The following TMPRSS15 variants were observed in gnomAD, a reference collection of about 807,000 sequenced individuals.
TMPRSS15 encodes the protein transmembrane serine protease 15, also known as enteropeptidase.
TMPRSS15 carries 128 observed loss-of-function variants against 125.3 expected under a neutral mutation model. That is an observed-to-expected ratio of 1.02 (90% CI 0.89 to 1.18). The LOEUF (loss-of-function observed/expected upper bound fraction) is 1.18, where lower values mean the gene tolerates loss of function less well. Ranked by LOEUF, TMPRSS15 falls within the 50% of genes most tolerant of loss-of-function variation. TMPRSS15 has a pLI of 0.00. For synonymous variants in TMPRSS15, 446 were observed against 423.2 expected, an observed-to-expected ratio of 1.05 and a Z score of -0.66; for missense variants, 1,283 against 1,212.7, an observed-to-expected ratio of 1.06 and a Z score of -0.86.
intron 1 of TMPRSS15, among the ~76,000 whole-genome samples, chr21:18,457,899 A>G (rs970718097): frequency 6.6e-6 from 1 of 152,154 alleles, no homozygotes; most frequent in African/African-American, 2.4e-5. Flanking sequence ...TGAATAACCA[A>G]CTGATTTTGG....
At chr21:18,421,115 T>C (rs1402051745) in intron 1 of TMPRSS15, among the ~76,000 whole-genome samples, 1 of 152,184 alleles carries the variant, frequency 6.6e-6, no homozygotes, top group Non-Finnish European at 1.5e-5. Context: ...CTAAACACTA[T>C]ACCACTAATA....
chr21:18,423,409 C>CTT (rs5842689), intron 1 of TMPRSS15, among the ~76,000 whole-genome samples: 35 of 128,716 alleles, frequency 2.7e-4, no homozygotes, highest in East Asian at 1.1e-3. Flanking sequence ...AAAATAAATT[C>CTT]TTTTTTTTTT....
chr21:18,435,684 T>A (rs889087346), intron 1 of TMPRSS15, among the ~76,000 whole-genome samples: 17 of 152,272 alleles, frequency 1.1e-4, no homozygotes, highest in African/African-American at 4.1e-4. Context: ...TTCTATTGAT[T>A]GGAATAGTTT....
rs893199543 is a variant in TMPRSS15 at position 18,347,609 on chromosome 21, A to AT, written c.1172-3550dup. 6.6e-5 allele frequency among the ~76,000 whole-genome samples: 10 copies of AT among 151,546 alleles called. No individual in the cohort carries two copies. The East Asian group carries it at 7.8e-4, about 12-fold the overall frequency. ...TGGAAACAAGAAAGACACTTTGTTC[A>AT]TTTTTTTTCTGTCTTGATATGAATT... On this transcript the variant is annotated intron_variant, in intron 10 of 24. Transcript: ENST00000284885.
At chr21:18,396,023 G>A (rs1235491094) in intron 3 of TMPRSS15, among the ~76,000 whole-genome samples, 1 of 152,074 alleles carries the variant, frequency 6.6e-6, no homozygotes, top group South Asian at 2.1e-4. Context: ...TAAAAACTAA[G>A]ACTTACTTAC....
At chr21:18,276,295 A>T (rs1484111369) in intron 23 of TMPRSS15, among the ~76,000 whole-genome samples, 1 of 152,238 alleles carries the variant, frequency 6.6e-6, no homozygotes, top group Non-Finnish European at 1.5e-5. Flanking sequence ...CTCTCCAGAA[A>T]AATGAAAGCC....
Position 18,326,489 on chromosome 21 carries a change from A to T in TMPRSS15, c.1864T>A (p.Leu622Met). ...MTVLLITNDV[L>M]ARGGFKANFT... ...TTTGCTTTAAACCCTCCTCTTGCCA[A>T]CACATCGTTAGTGATGAGAAGCACA... Residue 622 changes from leucine to methionine, a missense_variant, in exon 16 of 25, where the codon TTG (leucine) becomes ATG (methionine). Leu to Met is a conservative substitution (Grantham distance 15). Transcript: ENST00000284885. 6.2e-7 allele frequency: 1 copy of T among 1,614,154 alleles called. No homozygotes were observed. The highest frequency in any genetic ancestry group is 8.5e-7 in the Non-Finnish European group (1 of 1,179,998).
chr21:18,350,712 T>C (rs1214977489), intron 10 of TMPRSS15, among the ~76,000 whole-genome samples: 1 of 151,990 alleles, frequency 6.6e-6, no homozygotes, highest in African/African-American at 2.4e-5. Context: ...TTTCCCAAAG[T>C]ACCTATTCAC....
At chr21:18,317,814 CATTCTATCCT>C (rs2075185383) in intron 16 of TMPRSS15, among the ~76,000 whole-genome samples, 2 of 82,532 alleles carry the variant, frequency 2.4e-5, no homozygotes, top group Admixed American at 1.4e-4. Context: ...CATCCCATCC[CATTCTATCCT>C]ATCCCATCCT....
intron 1 of TMPRSS15, among the ~76,000 whole-genome samples, chr21:18,467,028 G>A (rs1238126541): frequency 6.6e-6 from 1 of 152,280 alleles, no homozygotes; most frequent in African/African-American, 2.4e-5. Flanking sequence ...ATCAATGATA[G>A]ACTGGATAAA....
At chr21:18,379,693 A>G (rs2075874741) in intron 4 of TMPRSS15, among the ~76,000 whole-genome samples, 1 of 152,094 alleles carries the variant, frequency 6.6e-6, no homozygotes, top group African/African-American at 2.4e-5. Flanking sequence ...ATATGCTTAG[A>G]CCATGGGCTT....
chr21:18,290,737 T>A (rs545129169), intron 21 of TMPRSS15, among the ~76,000 whole-genome samples: 5 of 152,288 alleles, frequency 3.3e-5, no homozygotes, highest in Admixed American at 2.6e-4. Context: ...TAAATTTCCA[T>A]GATTTGCTGT....
At chr21:18,329,967 C>A (rs1236252835) in intron 14 of TMPRSS15, among the ~76,000 whole-genome samples, 3 of 152,080 alleles carry the variant, frequency 2.0e-5, no homozygotes, top group Admixed American at 1.3e-4. Context: ...CAGATGCAGG[C>A]AAATTTATTG....
chr21:18,337,562 A>G (rs2075404339), intron 13 of TMPRSS15, among the ~76,000 whole-genome samples: 1 of 152,204 alleles, frequency 6.6e-6, no homozygotes, highest in South Asian at 2.1e-4. Flanking sequence ...TGTAGAATCA[A>G]TGCAGCAGAA....
intron 24 of TMPRSS15, among the ~76,000 whole-genome samples, chr21:18,273,474 C>A (rs1424406377): frequency 6.6e-6 from 1 of 152,126 alleles, no homozygotes; most frequent in African/African-American, 2.4e-5. Context: ...CAAGGTATTA[C>A]CTTATGTGGG....
intron 1 of TMPRSS15, among the ~76,000 whole-genome samples, chr21:18,422,010 G>T (rs1031823992): frequency 4.3e-5 from 6 of 141,120 alleles, no homozygotes; most frequent in Admixed American, 1.5e-4. Context: ...TTCAGACTAC[G>T]TCTGGCTCTG....
chr21:18,321,475 T>C (rs1243680636), intron 16 of TMPRSS15, among the ~76,000 whole-genome samples: 3 of 150,128 alleles, frequency 2.0e-5, no homozygotes, highest in Non-Finnish European at 4.4e-5. Context: ...GCCTCAGCCT[T>C]CCCAGTAGCT....
At chr21:18,376,502 A>T in intron 5 of TMPRSS15, among the ~76,000 whole-genome samples, 1 of 152,158 alleles carries the variant, frequency 6.6e-6, no homozygotes, top group Non-Finnish European at 1.5e-5. Context: ...TCACTAAATC[A>T]ACCAGTTATT....
At chr21:18,308,801 C>T (rs1304664096) in intron 18 of TMPRSS15, among the ~76,000 whole-genome samples, 1 of 152,064 alleles carries the variant, frequency 6.6e-6, no homozygotes, top group Non-Finnish European at 1.5e-5. Flanking sequence ...TCCATGTGTT[C>T]TCATTGTTCA....
Sources: allele counts gnomAD v4.1 joint callset (sites outside exome capture counted in the v4.1 genomes callset), GRCh38; gene constraint gnomAD v4.1.1; transcripts MANE v1.5; gene names NCBI Gene and HGNC (gene_info 2026-07-23, HGNC 2026-07-21).